Variants in OTUD7A observed in about 807,000 individuals in gnomAD.
The protein encoded by OTUD7A is OTU deubiquitinase 7A, also known as OTU domain-containing protein 7A.
OTUD7A carries 12 observed loss-of-function variants against 65.7 expected under a neutral mutation model. The ratio of observed to expected loss-of-function variants is 0.18; its 90% CI spans 0.12 to 0.30. OTUD7A has a LOEUF of 0.30. Ranked by LOEUF, OTUD7A falls within the 10% of genes least tolerant of loss-of-function variation. The pLI, the probability that OTUD7A is intolerant of heterozygous loss-of-function variation, is 1.00. For missense variants in OTUD7A, 1,148 were observed against 1,304.8 expected (o/e 0.88, Z 1.85); for synonymous variants, 641 against 586.3 (o/e 1.09, Z -1.35).
intron 1 of OTUD7A, among the ~76,000 whole-genome samples, chr15:31,869,469 C>T (rs367743391): frequency 6.6e-6 from 1 of 152,176 alleles, no homozygotes; most frequent in Non-Finnish European, 1.5e-5. Flanking sequence ...TCTGCCTCAT[C>T]ATATTTTTAA....
intron 1 of OTUD7A, among the ~76,000 whole-genome samples, chr15:31,759,887 A>T (rs1894916465): frequency 6.6e-6 from 1 of 152,100 alleles, no homozygotes; most frequent in South Asian, 2.1e-4. Context: ...ACTCTGCATC[A>T]CTTACTCTGG....
At chr15:31,812,875 G>A (rs546778215) in intron 1 of OTUD7A, among the ~76,000 whole-genome samples, 1 of 152,266 alleles carries the variant, frequency 6.6e-6, no homozygotes, top group East Asian at 1.9e-4. Flanking sequence ...ATCTTAACAT[G>A]CAAGTGATAA....
intron 4 of OTUD7A, among the ~76,000 whole-genome samples, chr15:31,568,726 T>A (rs554921241): frequency 6.6e-6 from 1 of 152,218 alleles, no homozygotes; most frequent in Non-Finnish European, 1.5e-5. Flanking sequence ...CCCTCATGAA[T>A]GGCTCGGGCC....
intron 5 of OTUD7A, among the ~76,000 whole-genome samples, chr15:31,537,264 C>T (rs535270058): frequency 2.0e-5 from 3 of 152,304 alleles, no homozygotes; most frequent in East Asian, 3.9e-4. Context: ...ATCCACTCTT[C>T]AGCGCTTTTT....
chr15:31,667,788 C>T (rs1892361769), intron 1 of OTUD7A, among the ~76,000 whole-genome samples: 1 of 152,046 alleles, frequency 6.6e-6, no homozygotes, highest in African/African-American at 2.4e-5. Flanking sequence ...TGATATGTTT[C>T]TAGGATTTGT....
At chr15:31,770,505 T>C (rs1360903942) in intron 1 of OTUD7A, among the ~76,000 whole-genome samples, 1 of 152,210 alleles carries the variant, frequency 6.6e-6, no homozygotes, top group Non-Finnish European at 1.5e-5. Context: ...GAAAGTATAA[T>C]ATTAATCCTT....
intron 1 of OTUD7A, among the ~76,000 whole-genome samples, chr15:31,730,740 T>C (rs949754129): frequency 1.3e-5 from 2 of 152,186 alleles, no homozygotes; most frequent in African/African-American, 2.4e-5. Context: ...CTACGACTTC[T>C]TGTTCTCATC....
rs1477999701 is a variant in OTUD7A at position 31,481,465 on chromosome 15, A to G, written c.*1829T>C. On this transcript the variant is annotated 3_prime_UTR_variant, in exon 13 of 13. Transcript: ENST00000307050. The stretch of plus-strand genomic sequence containing the variant: ...AACCACTTTTGTTTTCTGAGTAATA[A>G]AAGAAACCCCAGTAATATTAGGGAC... 1 of 152,234 alleles carries G rather than the reference A, an allele frequency of 6.6e-6. No individual in the cohort carries two copies. The highest frequency in any genetic ancestry group is 1.5e-5 in the Non-Finnish European group (1 of 68,054). 9.4% of individuals were successfully genotyped at this position (152,234 alleles called of 1,614,324 possible).
At chr15:31,586,325 G>A (rs1386739083) in intron 3 of OTUD7A, among the ~76,000 whole-genome samples, 1 of 152,196 alleles carries the variant, frequency 6.6e-6, no homozygotes, top group Non-Finnish European at 1.5e-5. Flanking sequence ...TACATACAGT[G>A]TGAATAGCTC....
At chr15:31,614,274 G>A (rs12907373) in intron 3 of OTUD7A, among the ~76,000 whole-genome samples, 4 of 151,548 alleles carry the variant, frequency 2.6e-5, no homozygotes, top group African/African-American at 7.3e-5. Flanking sequence ...AACCGAACAC[G>A]ACCTGCACCC....
rs139761401 is a variant in OTUD7A, at chr15:31,567,951, A to C, written c.331+2067T>G. Among the ~76,000 whole-genome samples the C allele has an allele frequency of 6.2e-3, 948 of 152,372 alleles. 12 individuals are homozygous for C. The highest frequency in any genetic ancestry group is 0.022 in the African/African-American group (897 of 41,582). On this transcript the variant is annotated intron_variant, in intron 4 of 12. Coordinates refer to ENST00000307050, the MANE Select transcript of OTUD7A (RefSeq NM_001382637.1). ...GCAACCTCTGCCTAGATTTCAGAGGATGTATGGAAAAGCCTGGGTGTCCAG... is the reference window on the plus strand; with the variant it reads ...GCAACCTCTGCCTAGATTTCAGAGGCTGTATGGAAAAGCCTGGGTGTCCAG...
chr15:31,493,588 T>C (rs2041346959), intron 10 of OTUD7A, among the ~76,000 whole-genome samples: 1 of 152,236 alleles, frequency 6.6e-6, no homozygotes, highest in East Asian at 1.9e-4. Flanking sequence ...TTCAAATACA[T>C]ATGGAATATT....
At chr15:31,584,171 G>A (rs1215888098) in intron 3 of OTUD7A, among the ~76,000 whole-genome samples, 1 of 152,222 alleles carries the variant, frequency 6.6e-6, no homozygotes, top group Non-Finnish European at 1.5e-5. Flanking sequence ...AGGTATAGCT[G>A]TGGAGTCACA....
chr15:31,821,835 G>A (rs150097031), intron 1 of OTUD7A, among the ~76,000 whole-genome samples: 68 of 152,260 alleles, frequency 4.5e-4, no homozygotes, highest in African/African-American at 1.5e-3. Context: ...GTCTCATTCT[G>A]CTTTTGGTTT....
intron 3 of OTUD7A, among the ~76,000 whole-genome samples, chr15:31,626,590 T>G (rs1257054932): frequency 2.0e-5 from 3 of 152,156 alleles, no homozygotes; most frequent in Non-Finnish European, 1.5e-5. Flanking sequence ...ATATAATTTT[T>G]TTTGAGGCAG....
chr15:31,810,496 G>A (rs184987312), intron 1 of OTUD7A, among the ~76,000 whole-genome samples: 59 of 152,272 alleles, frequency 3.9e-4, no homozygotes, highest in African/African-American at 1.3e-3. Context: ...TCATGCATGC[G>A]TAGAAAAGAG....
intron 10 of OTUD7A, among the ~76,000 whole-genome samples, chr15:31,497,973 A>G (rs1489821238): frequency 6.6e-6 from 1 of 152,342 alleles, no homozygotes; most frequent in East Asian, 1.9e-4. Flanking sequence ...CCTAGGCAGC[A>G]CCTGTATGCA....
intron 1 of OTUD7A, among the ~76,000 whole-genome samples, chr15:31,773,372 C>T (rs1165580568): frequency 1.3e-5 from 2 of 152,188 alleles, no homozygotes; most frequent in African/African-American, 4.8e-5. Flanking sequence ...AACATCAAGG[C>T]ACCTGCAGAT....
chr15:31,480,445 G>C lies in OTUD7A; in HGVS notation c.*2849C>G, dbSNP rs1290378978. 1.3e-5 allele frequency: 2 copies of C among 152,284 alleles called. No homozygotes were observed. Among genetic ancestry groups the C allele is most frequent in the Admixed American group, 1.3e-4 (2 of 15,284 alleles). The allele number at this position is 152,284 out of a possible 1,614,324, so 9.4% of individuals were successfully genotyped here. ...AAGTGTGGCCAGATCAGGTGGGGAA[G>C]GCTGCTCTCAGGCAGGGTCAGCTAG... On this transcript the variant is annotated 3_prime_UTR_variant, in exon 13 of 13. Transcript: ENST00000307050.
Sources: allele counts gnomAD v4.1 joint callset (sites outside exome capture counted in the v4.1 genomes callset), GRCh38; gene constraint gnomAD v4.1.1; transcripts MANE v1.5; gene names NCBI Gene and HGNC (gene_info 2026-07-23, HGNC 2026-07-21).